Variants in COL20A1 observed in about 807,000 individuals in gnomAD.
COL20A1 encodes collagen type XX alpha 1 chain.
A neutral mutation model predicts 152.9 loss-of-function variants in COL20A1; 164 were observed. The observed-to-expected ratio is 1.07, with a 90% confidence interval of 0.94 to 1.22. COL20A1 has a LOEUF of 1.22. COL20A1 is among the 50% of genes most tolerant of loss of function. The pLI is 0.00. For missense variants in COL20A1, 1,873 were observed against 1,744.8 expected (o/e 1.07, Z -1.31); for synonymous variants, 864 against 756.0 (o/e 1.14, Z -2.34).
Position 63,305,630 on chromosome 20 carries a change from T to C in COL20A1, c.337+70T>C. ...GGTCCCACCCTCCTCTGGGCTGGGG[T>C]CCCACCCTCCTCCAGGCTGCGTTCC... is the stretch of plus-strand genomic sequence containing the variant. On this transcript the variant is annotated intron_variant, in intron 4 of 35. Transcript: ENST00000358894. The surrounding 1 kb of genome is among the most constrained non-coding windows in gnomAD (Gnocchi z 4.9). 1.4e-6 allele frequency: 2 copies of C among 1,470,412 alleles called. No individual in the cohort carries two copies. Among genetic ancestry groups the C allele is most frequent in the Non-Finnish European group, 1.8e-6 (2 of 1,096,302 alleles). The allele number at this position is 1,470,412 out of a possible 1,614,324, so 91.1% of individuals were successfully genotyped here. A position where few individuals can be genotyped will look rare whatever the true frequency, so the allele number is the denominator to read the frequency against.
intron 2 of COL20A1, among the ~76,000 whole-genome samples, chr20:63,296,752 C>T (rs2067798942): frequency 6.6e-6 from 1 of 152,180 alleles, no homozygotes. Flanking sequence ...CCTCATCCCC[C>T]ACACATTCCT....
chr20:63,294,578 G>A (rs894722213), intron 1 of COL20A1, among the ~76,000 whole-genome samples: 2 of 148,902 alleles, frequency 1.3e-5, no homozygotes, highest in Non-Finnish European at 3.0e-5. Flanking sequence ...AGACCCACCC[G>A]CTCCCCACTC....
chr20:63,293,210 A>C lies in COL20A1; in HGVS notation c.-76A>C, dbSNP rs2067738368. 6.6e-6 allele frequency: 1 copy of C among 152,242 alleles called. No individual in the cohort carries two copies. The highest frequency in any genetic ancestry group is 2.4e-5 in the African/African-American group (1 of 41,416). 9.4% of individuals were successfully genotyped at this position (152,242 alleles called of 1,614,324 possible). A position where few individuals can be genotyped will look rare whatever the true frequency, so the allele number is the denominator to read the frequency against. ...CATAAGCTCCAGCCTTCCTGTGGCC[A>C]CAGCAGGACCAGAGTGGACCAGCAC... On this transcript the variant is annotated 5_prime_UTR_variant, in exon 1 of 36. Coordinates refer to ENST00000358894, the MANE Select transcript of COL20A1 (RefSeq NM_020882.4).
chr20:63,308,528 C>G lies in COL20A1; in HGVS notation c.776-14C>G. ...CTGGCAGCTGCCTGTCACTTTATTCCTGCTGCTCCCAAGGCCTTGCCCTGA... is the reference window on the plus strand; with the variant it reads ...CTGGCAGCTGCCTGTCACTTTATTCGTGCTGCTCCCAAGGCCTTGCCCTGA... On this transcript the variant is annotated splice_polypyrimidine_tract_variant and intron_variant, in intron 7 of 35. Coordinates refer to ENST00000358894, the MANE Select transcript of COL20A1 (RefSeq NM_020882.4). The G allele has an allele frequency of 1.9e-6, 3 of 1,565,230 alleles. No individual in the cohort carries two copies. Among genetic ancestry groups the G allele is most frequent in the Non-Finnish European group, 2.6e-6 (3 of 1,155,436 alleles).
At chr20:63,314,333 C>CA in intron 19 of COL20A1, 132 bp downstream of exon 19, 1 of 757,114 alleles carries the variant, frequency 1.3e-6, no homozygotes, top group Non-Finnish European at 2.2e-6. Flanking sequence ...CCCCAGGGGT[C>CA]ACAGGCAGGC....
intron 21 of COL20A1, among the ~76,000 whole-genome samples, chr20:63,317,483 A>G (rs566295559): frequency 0.012 from 1,747 of 151,748 alleles, 35 homozygotes; most frequent in African/African-American, 0.04. Context: ...AAAAAAAAAA[A>G]AAAGAAGTTA....
chr20:63,310,248 G>T (rs557165836), intron 10 of COL20A1, 133 bp from the exon 11 acceptor site: 2 of 939,078 alleles, frequency 2.1e-6, no homozygotes, highest in Non-Finnish European at 3.2e-6. Context: ...GGTACAGGGA[G>T]CCCAGGCCTG....
chr20:63,325,697 G>T lies in COL20A1; in HGVS notation c.3378G>T (p.Gly1126=). 6.2e-7 allele frequency: 1 copy of T among 1,611,924 alleles called. No individual in the cohort carries two copies. The highest frequency in any genetic ancestry group is 8.5e-7 in the Non-Finnish European group (1 of 1,179,612). The change falls in exon 29 of 36, where the codon GGG becomes GGT. Residue 1126 remains glycine (G), a synonymous_variant. Transcript: ENST00000358894. ...QGHPGHQGIP[G]RVGLQGPKGM... is the part of the protein sequence containing the mutation. ...ACCCCGGCCACCAGGGCATCCCCGG[G>T]AGAGTTGGCCTCCAGGGACCAAAGG...
rs1370522506 is a variant in COL20A1 at position 63,298,789 on chromosome 20, G to T, written c.193+769G>T. The stretch of plus-strand genomic sequence containing the variant: ...CAGGAACAGTCCTAACCTGACAATG[G>T]GTGCTAATTTTAAAGCTTTTCAAAA... On this transcript the variant is annotated intron_variant, in intron 3 of 35. Coordinates refer to ENST00000358894, the MANE Select transcript of COL20A1 (RefSeq NM_020882.4). 2.0e-5 allele frequency among the ~76,000 whole-genome samples: 3 copies of T among 152,246 alleles called. No homozygotes were observed. In the East Asian group the frequency reaches 5.8e-4, roughly 29 times the overall value.
chr20:63,315,558 G>A (rs1280581148), intron 20 of COL20A1, 119 bp downstream of exon 20: 23 of 970,624 alleles, frequency 2.4e-5, no homozygotes, highest in African/African-American at 6.6e-5. Flanking sequence ...GAGGATGTTT[G>A]GGCGGGTTTG....
intron 25 of COL20A1, 33 bp downstream of exon 25, chr20:63,320,401 G>T: frequency 6.3e-7 from 1 of 1,588,602 alleles, no homozygotes; most frequent in Non-Finnish European, 8.6e-7. Context: ...GTTCCACGAA[G>T]CAAGTTAGGG....
chr20:63,326,868 G>A, intron 31 of COL20A1, 45 bp downstream of exon 31: 2 of 1,371,498 alleles, frequency 1.5e-6, no homozygotes, highest in East Asian at 3.0e-5. Flanking sequence ...AGGTGGGGGA[G>A]CGAAGGGTGC....
intron 29 of COL20A1, 49 bp from the exon 30 acceptor site, chr20:63,326,047 T>G: frequency 6.5e-7 from 1 of 1,546,030 alleles, no homozygotes; most frequent in East Asian, 2.2e-5. Flanking sequence ...ATGGGAGGGC[T>G]GGGTACAGGT....
At position 63,308,050 on chromosome 20, in the gene COL20A1, T is replaced by A; in HGVS notation, c.735T>A (p.Ala245=). ...SLSTKEQVLA[A]VRRLRYKGGN... ...GCACCAAGGAACAGGTGCTGGCAGC[T>A]GTGCGCCGCCTCCGCTACAAGGGGG... The change falls in exon 7 of 36, where the codon GCT becomes GCA. Residue 245 remains alanine, a synonymous_variant. Transcript: ENST00000358894. The A allele has an allele frequency of 1.2e-6, 2 of 1,612,574 alleles. No homozygotes were observed. The highest frequency in any genetic ancestry group is 1.7e-6 in the Non-Finnish European group (2 of 1,179,774).
chr20:63,327,808 TG>T, intron 31 of COL20A1, 143 bp from the exon 32 acceptor site: 1 of 806,298 alleles, frequency 1.2e-6, no homozygotes, highest in Non-Finnish European at 2.0e-6. Flanking sequence ...TCCTAGGATC[TG>T]GGAATTTGGG....
Position 63,319,040 on chromosome 20 carries a change from CT to C in COL20A1, c.2664-17del. 1.3e-6 allele frequency: 2 copies of C among 1,595,324 alleles called. No homozygotes were observed. The highest frequency in any genetic ancestry group is 1.7e-6 in the Non-Finnish European group (2 of 1,164,382). On this transcript the variant is annotated splice_polypyrimidine_tract_variant and intron_variant, in intron 21 of 35. Transcript: ENST00000358894. This position sits in a 1 kb window ranked among gnomAD's most constrained non-coding sequence, Gnocchi z 4.4. ...CTTGGGTCTGCTCATGTGCCTCTCC[CT>C]CCCCCAACCCCCACAGTGACGTCTA...
At chr20:63,325,951 C>A (rs543210774) in intron 29 of COL20A1, 145 bp from the exon 30 acceptor site, 1 of 788,886 alleles carries the variant, frequency 1.3e-6, no homozygotes, top group Non-Finnish European at 2.1e-6. Context: ...GGGGGAGTGG[C>A]TGGGTAGGAG....
chr20:63,307,131 G>A (rs892299284), intron 5 of COL20A1, among the ~76,000 whole-genome samples: 7 of 152,232 alleles, frequency 4.6e-5, no homozygotes, highest in Admixed American at 6.5e-5. Flanking sequence ...CCACAGCGCC[G>A]CGCTGCGGTG....
chr20:63,310,235 G>T, intron 10 of COL20A1, 146 bp from the exon 11 acceptor site: 1 of 824,732 alleles, frequency 1.2e-6, no homozygotes, highest in Non-Finnish European at 1.9e-6. Context: ...CTGCTCTGTC[G>T]TAGGTACAGG....
Sources: allele counts gnomAD v4.1 joint callset (sites outside exome capture counted in the v4.1 genomes callset), GRCh38; gene constraint gnomAD v4.1.1; non-coding constraint Gnocchi (gnomAD v3.1); transcripts MANE v1.5; gene names NCBI Gene and HGNC (gene_info 2026-07-23, HGNC 2026-07-21).